The following LSAMP variants were observed in gnomAD, a reference collection of about 807,000 sequenced individuals.
LSAMP encodes limbic system associated membrane protein.
In LSAMP, 7 loss-of-function variants were observed where a neutral mutation model predicts 38.6. The observed-to-expected ratio is 0.18, with a 90% CI of 0.10 to 0.34. The LOEUF (loss-of-function observed/expected upper bound fraction) is 0.34. Among genes scored for constraint, LSAMP ranks in the 10% least tolerant of loss-of-function variants. LSAMP has a pLI of 1.00. For synonymous variants in LSAMP, 154 were observed against 166.8 expected, an observed-to-expected ratio of 0.92 and a Z score of 0.59; for missense variants, 313 against 420.0, an observed-to-expected ratio of 0.75 and a Z score of 2.23.
At chr3:115,967,910 C>T (rs985184947) in intron 3 of LSAMP, among the ~76,000 whole-genome samples, 34 of 152,118 alleles carry the variant, frequency 2.2e-4, no homozygotes, top group African/African-American at 6.8e-4. Context: ...TGGGTGGAGA[C>T]ACAGAGCCAA....
intron 3 of LSAMP, among the ~76,000 whole-genome samples, chr3:115,917,685 C>T (rs558727525): frequency 1.7e-3 from 259 of 150,842 alleles, no homozygotes; most frequent in African/African-American, 5.9e-3. Flanking sequence ...TCTGAAAACA[C>T]GCTTTGGAGG....
At chr3:116,346,696 C>T (rs1490395906) in intron 1 of LSAMP, among the ~76,000 whole-genome samples, 1 of 152,180 alleles carries the variant, frequency 6.6e-6, no homozygotes, top group African/African-American at 2.4e-5. Context: ...GAATATGATA[C>T]TGAGTACCAG....
At chr3:115,827,290 G>T (rs1934450145) in intron 6 of LSAMP, among the ~76,000 whole-genome samples, 1 of 151,062 alleles carries the variant, frequency 6.6e-6, no homozygotes, top group African/African-American at 2.4e-5. Context: ...AGCATGGGAT[G>T]GTAAACAGAA....
At chr3:116,050,181 G>A (rs1223495167) in intron 2 of LSAMP, among the ~76,000 whole-genome samples, 1 of 152,052 alleles carries the variant, frequency 6.6e-6, no homozygotes, top group Non-Finnish European at 1.5e-5. Flanking sequence ...CATCTCCATG[G>A]GCTGCCTGTG....
At chr3:116,369,986 G>GA (rs1196490994) in intron 1 of LSAMP, 1 of 152,456 alleles carries the variant, frequency 6.6e-6, no homozygotes, top group Non-Finnish European at 1.5e-5. Flanking sequence ...CAGAACTGTG[G>GA]AAAAAAATTC....
intron 1 of LSAMP, among the ~76,000 whole-genome samples, chr3:116,273,686 A>ATATATATG (rs2107673341): frequency 1.7e-5 from 2 of 114,744 alleles, no homozygotes; most frequent in Non-Finnish European, 3.4e-5. Context: ...AAAGAGGCAT[A>ATATATATG]TATATATATA....
At chr3:115,849,369 C>G (rs768748689) in intron 4 of LSAMP, among the ~76,000 whole-genome samples, 1 of 152,158 alleles carries the variant, frequency 6.6e-6, no homozygotes, top group African/African-American at 2.4e-5. Flanking sequence ...ACTGTTATGT[C>G]TCTCTTCTTT....
At chr3:116,211,214 G>T (rs530257574) in intron 1 of LSAMP, among the ~76,000 whole-genome samples, 2 of 152,162 alleles carry the variant, frequency 1.3e-5, no homozygotes, top group Admixed American at 1.3e-4. Flanking sequence ...GCAAGATGTT[G>T]GTCAAAGGAT....
At chr3:116,100,864 G>C (rs1233847596) in intron 1 of LSAMP, among the ~76,000 whole-genome samples, 1 of 151,992 alleles carries the variant, frequency 6.6e-6, no homozygotes, top group Non-Finnish European at 1.5e-5. Flanking sequence ...TCTAGATCTG[G>C]TTTTTCCTTT....
chr3:115,955,507 A>G (rs953785792), intron 3 of LSAMP, among the ~76,000 whole-genome samples: 6 of 152,316 alleles, frequency 3.9e-5, no homozygotes, highest in Admixed American at 3.9e-4. Flanking sequence ...ACTAAGTGCT[A>G]GGGATATAAC....
At chr3:116,397,395 C>CCA (rs1553731266) in intron 1 of LSAMP, among the ~76,000 whole-genome samples, 3 of 147,270 alleles carry the variant, frequency 2.0e-5, no homozygotes, top group Non-Finnish European at 3.0e-5. Flanking sequence ...CGCCCCCCCC[C>CCA]CACACACACA....
chr3:116,097,013 G>GA (rs1456356957), intron 1 of LSAMP, among the ~76,000 whole-genome samples: 1 of 152,092 alleles, frequency 6.6e-6, no homozygotes, highest in Admixed American at 6.6e-5. Context: ...TGTTCTCTGT[G>GA]AAAAATACCT....
chr3:116,083,854 G>A (rs528910889), intron 2 of LSAMP, among the ~76,000 whole-genome samples: 15 of 152,318 alleles, frequency 9.8e-5, no homozygotes, highest in South Asian at 2.1e-4. Flanking sequence ...GCACAAGGCT[G>A]AATGCCCCAA....
rs373209083 is a variant in LSAMP, at chr3:116,174,913, T to C, written c.156-88357A>G. Among the ~76,000 whole-genome samples the C allele has an allele frequency of 3.2e-4, 48 of 152,240 alleles. 1 individual carries two copies. Among genetic ancestry groups the C allele is most frequent in the East Asian group, 1.9e-3 (10 of 5,182 alleles). On this transcript the variant is annotated intron_variant, in intron 1 of 6. Transcript: ENST00000490035. ...TGTGTGACCCTTTGCTTCAGTTCAT[T>C]TCCTATCGCCTGTCCTTATTCTTTT...
chr3:116,071,497 C>G (rs1559731178), intron 2 of LSAMP, among the ~76,000 whole-genome samples: 1 of 151,918 alleles, frequency 6.6e-6, no homozygotes. Flanking sequence ...TTCTTTTTTT[C>G]CAGTGGAGGT....
In LSAMP at chr3:116,153,183, A is replaced by T. The variant is rs371522274; in HGVS notation, c.156-66627T>A. ...TTAGAAACACTATGTGTGCCATTAC[A>T]AAATTTCTTCGAGTTTGATTTCATG... On this transcript the variant is annotated intron_variant, in intron 1 of 6. Transcript: ENST00000490035. Among the ~76,000 whole-genome samples the T allele has an allele frequency of 2.6e-5, 4 of 152,234 alleles. No homozygotes were observed. The South Asian group carries it at 8.3e-4, about 32-fold the overall frequency.
At chr3:115,815,401 T>C (rs1428246212) in intron 6 of LSAMP, among the ~76,000 whole-genome samples, 2 of 152,070 alleles carry the variant, frequency 1.3e-5, no homozygotes, top group Non-Finnish European at 2.9e-5. Context: ...TTTCTTTGAG[T>C]AATGGGTCTT....
intron 1 of LSAMP, among the ~76,000 whole-genome samples, chr3:116,278,067 A>G (rs1357812912): frequency 6.6e-6 from 1 of 152,218 alleles, no homozygotes; most frequent in Non-Finnish European, 1.5e-5. Context: ...AGTGAAGTGT[A>G]TTAAAGAGGG....
intron 3 of LSAMP, among the ~76,000 whole-genome samples, chr3:115,928,067 GA>G (rs1481947316): frequency 6.6e-6 from 1 of 152,182 alleles, no homozygotes; most frequent in Non-Finnish European, 1.5e-5. Context: ...CCCATGCACA[GA>G]AAAGTGCCTA....
Sources: allele counts gnomAD v4.1 joint callset (sites outside exome capture counted in the v4.1 genomes callset), GRCh38; gene constraint gnomAD v4.1.1; transcripts MANE v1.5; gene names NCBI Gene and HGNC (gene_info 2026-07-23, HGNC 2026-07-21).